The following NIPSNAP3B variants were observed in gnomAD, a reference collection of about 807,000 sequenced individuals.
NIPSNAP3B encodes the protein nipsnap homolog 3B.
NIPSNAP3B carries 30 observed loss-of-function variants against 31.5 expected under a neutral mutation model. The ratio of observed to expected loss-of-function variants is 0.95; its 90% confidence interval spans 0.71 to 1.29. The LOEUF is 1.29. Among genes scored for constraint, NIPSNAP3B ranks in the 50% most tolerant of loss-of-function variants. NIPSNAP3B has a pLI of 0.00. For synonymous variants in NIPSNAP3B, 106 were observed against 107.9 expected (o/e 0.98, Z 0.11); for missense variants, 269 against 300.7 (o/e 0.89, Z 0.78).
intron 3 of NIPSNAP3B, among the ~76,000 whole-genome samples, 160 bp downstream of exon 3, chr9:104,769,181 C>T (rs181469903): frequency 6.6e-6 from 1 of 152,114 alleles, no homozygotes; most frequent in African/African-American, 2.4e-5. Context: ...AGACTGGGCG[C>T]GGTGGCTCAC....
At chr9:104,779,787 G>T (rs10761085), downstream of NIPSNAP3B, among the ~76,000 whole-genome samples, 41,562 of 152,062 alleles carry the variant, frequency 0.27, 6,010 homozygotes, top group East Asian at 0.53. Flanking sequence ...CCAGCACTTT[G>T]GGAGCCCAAG....
intron 3 of NIPSNAP3B, 113 bp downstream of exon 3, chr9:104,769,134 A>G: frequency 2.8e-6 from 2 of 723,470 alleles, no homozygotes; most frequent in Non-Finnish European, 4.1e-6. Context: ...GTTTTATATA[A>G]TAATATATGA....
downstream of NIPSNAP3B, among the ~76,000 whole-genome samples, chr9:104,779,623 T>G (rs200513709): frequency 0.29 from 42,284 of 145,270 alleles, 6,029 homozygotes; most frequent in East Asian, 0.52. Context: ...CTAAGTGGGT[T>G]TTTTTTTTTT....
the NIPSNAP3B span, chr9:104,788,310 G>A: frequency 7.9e-7 from 1 of 1,268,732 alleles, no homozygotes; most frequent in African/African-American, 1.5e-5. Flanking sequence ...CCAGCATTTT[G>A]TGCTGCTGCA....
the NIPSNAP3B span, chr9:104,785,548 C>T: frequency 6.2e-7 from 1 of 1,613,720 alleles, no homozygotes; most frequent in East Asian, 2.2e-5. Flanking sequence ...AGAACACTTC[C>T]AGGAAATGCA....
At position 104,774,202 on chromosome 9, in the gene NIPSNAP3B, A is replaced by G. The variant is rs1250730575; in HGVS notation, c.*1129A>G. Among the ~76,000 whole-genome samples, 1 of 152,250 alleles carries G rather than the reference A, an allele frequency of 6.6e-6. No homozygotes were observed. Among genetic ancestry groups the G allele is most frequent in the African/African-American group, 2.4e-5 (1 of 41,464 alleles). ...TTTATATTTTTAAAATCTTACAGCTATAAAATAGTAAATTGTGAATTAGCT... is the reference window on the plus strand; with the variant it reads ...TTTATATTTTTAAAATCTTACAGCTGTAAAATAGTAAATTGTGAATTAGCT... On this transcript the variant is annotated 3_prime_UTR_variant, in exon 6 of 6. Transcript: ENST00000374762.
At chr9:104,785,657 T>A in the NIPSNAP3B span, 1 of 1,613,480 alleles carries the variant, frequency 6.2e-7, no homozygotes, top group Non-Finnish European at 8.5e-7. Flanking sequence ...CAGGAAAAAA[T>A]ACCCAAATGG....
intron 1 of NIPSNAP3B, among the ~76,000 whole-genome samples, chr9:104,766,035 G>A (rs781575025): frequency 2.0e-5 from 3 of 152,108 alleles, no homozygotes; most frequent in Non-Finnish European, 4.4e-5. Context: ...TAGTTCTTCG[G>A]TAAAGGAGTA....
downstream of NIPSNAP3B, among the ~76,000 whole-genome samples, chr9:104,778,221 T>C (rs1828378779): frequency 6.6e-6 from 1 of 152,088 alleles, no homozygotes. Context: ...AATATATACG[T>C]ACCAATAACT....
chr9:104,787,905 C>T, the NIPSNAP3B span: 1 of 1,613,954 alleles, frequency 6.2e-7, no homozygotes, highest in African/African-American at 1.3e-5. Flanking sequence ...GTTTTCCATC[C>T]ACAGTTATAC....
the NIPSNAP3B span, chr9:104,787,036 T>TCTG: frequency 6.8e-7 from 1 of 1,473,298 alleles, no homozygotes; most frequent in South Asian, 1.2e-5. Flanking sequence ...AAGATAAATT[T>TCTG]GTTTTTAAAT....
chr9:104,786,453 C>T, the NIPSNAP3B span: 4 of 1,392,812 alleles, frequency 2.9e-6, no homozygotes, highest in Non-Finnish European at 4.1e-6. Context: ...GAGAACATCA[C>T]CATGACTTCC....
chr9:104,766,400 C>T lies in NIPSNAP3B; in HGVS notation c.136C>T (p.Pro46Ser). 1.2e-6 allele frequency: 2 copies of T among 1,613,778 alleles called. No individual in the cohort carries two copies. Among genetic ancestry groups the T allele is most frequent in the Non-Finnish European group, 1.7e-6 (2 of 1,179,748 alleles). ...TGAATTTCGTACTTATTACCTTAAA[C>T]CTTCAAATATGAATGCGTTCATGGA... ...FYEFRTYYLK[P>S]SNMNAFMENL... is the part of the protein sequence containing the mutation. The change falls in exon 2 of 6, where the codon CCT becomes TCT. Residue 46 changes from proline to serine, a missense_variant. Transcript: ENST00000374762.
the NIPSNAP3B span, chr9:104,785,733 G>C: frequency 3.9e-6 from 6 of 1,522,588 alleles, no homozygotes; most frequent in South Asian, 6.9e-5. Flanking sequence ...CCATGAAAAA[G>C]GGCGGCCCCT....
chr9:104,768,594 C>A (rs1828137570), intron 2 of NIPSNAP3B, among the ~76,000 whole-genome samples: 1 of 152,128 alleles, frequency 6.6e-6, no homozygotes, highest in South Asian at 2.1e-4. Context: ...GAATAACGAA[C>A]CTAATTCACA....
the NIPSNAP3B span, chr9:104,784,382 G>A: frequency 6.2e-7 from 1 of 1,613,960 alleles, no homozygotes. Context: ...GTCCACTACT[G>A]TCTGGTTTTT....
chr9:104,787,813 G>T, the NIPSNAP3B span: 1 of 1,610,732 alleles, frequency 6.2e-7, no homozygotes, highest in Non-Finnish European at 8.5e-7. Context: ...CTGTCCCTGG[G>T]GGAAGACAAG....
rs1353036149 is a variant in NIPSNAP3B at position 104,775,938 on chromosome 9, G to A, written c.*2865G>A. Reference sequence around the variant, plus strand: ...CCTGGTTCAAGCCCATCATCATCTGGATTTTTGGGAAGTGGTCTTAACTGG... The same window carrying A: ...CCTGGTTCAAGCCCATCATCATCTGAATTTTTGGGAAGTGGTCTTAACTGG... On this transcript the variant is annotated 3_prime_UTR_variant, in exon 6 of 6. Coordinates refer to ENST00000374762, the MANE Select transcript of NIPSNAP3B (RefSeq NM_018376.4). Among the ~76,000 whole-genome samples the A allele has an allele frequency of 2.6e-5, 4 of 152,138 alleles. No homozygotes were observed. The highest frequency in any genetic ancestry group is 5.9e-5 in the Non-Finnish European group (4 of 68,024).
intron 1 of NIPSNAP3B, among the ~76,000 whole-genome samples, chr9:104,765,053 T>C (rs986707839): frequency 1.3e-5 from 2 of 152,206 alleles, no homozygotes; most frequent in Non-Finnish European, 2.9e-5. Flanking sequence ...ATTTTCAGAA[T>C]TTGATTAAAC....
Sources: gnomAD v4.1 joint callset for allele counts (sites outside exome capture counted in the v4.1 genomes callset) on GRCh38, gnomAD v4.1.1 for gene constraint, MANE v1.5 for transcripts, NCBI Gene and HGNC (gene_info 2026-07-23, HGNC 2026-07-21) for gene names.